The following EMC8 variants were observed in gnomAD, a reference collection of about 807,000 sequenced individuals.
The protein encoded by EMC8 is ER membrane protein complex subunit 8, also known as COX4 neighbor.
EMC8 carries 11 observed loss-of-function variants against 24.3 expected under a neutral mutation model. The ratio of observed to expected loss-of-function variants is 0.45; its 90% confidence interval spans 0.28 to 0.75. The LOEUF is 0.75. Among genes scored for constraint, EMC8 ranks in the 30% least tolerant of loss-of-function variants. The pLI, the probability that EMC8 is intolerant of heterozygous loss-of-function variation, is 0.12. For missense variants in EMC8, 277 were observed against 282.7 expected, an observed-to-expected ratio of 0.98 and a Z score of 0.14; for synonymous variants, 145 against 117.7, an observed-to-expected ratio of 1.23 and a Z score of -1.50.
chr16:85,799,520 T>C lies in EMC8; in HGVS notation c.-225A>G, dbSNP rs1905490259. 2 of 380,382 alleles carry C rather than the reference T, an allele frequency of 5.3e-6. No homozygotes were observed. Among genetic ancestry groups the C allele is most frequent in the East Asian group, 7.9e-5 (2 of 25,304 alleles). The allele number at this position is 380,382 out of a possible 1,614,324, so 23.6% of individuals were successfully genotyped here. Reference sequence around the variant, plus strand: ...CCGCAGCCCCAGACTCCAGTCGCGCTTCTCGCCCGGCGCCGCCGGAAAGCA... The same window carrying C: ...CCGCAGCCCCAGACTCCAGTCGCGCCTCTCGCCCGGCGCCGCCGGAAAGCA... On this transcript the variant is annotated 5_prime_UTR_variant, in exon 1 of 5. Coordinates refer to ENST00000253457, the MANE Select transcript of EMC8 (RefSeq NM_006067.5). The surrounding 1 kb of genome is among the most constrained non-coding windows in gnomAD (Gnocchi z 4.2).
Position 85,779,978 on chromosome 16 carries a change from C to T in EMC8, c.474-111G>A, listed in dbSNP as rs1347695266. ...CACAGTGGTATGAACAGAGATGGTG[C>T]AGAGTACTGAGAAACATGTGCATTT... On this transcript the variant is annotated intron_variant, in intron 4 of 4. Coordinates refer to ENST00000253457, the MANE Select transcript of EMC8 (RefSeq NM_006067.5). 4.0e-5 allele frequency: 34 copies of T among 842,366 alleles called. 1 individual carries two copies. Among genetic ancestry groups the T allele is most frequent in the South Asian group, 3.8e-4 (25 of 65,932 alleles). 52.2% of individuals were successfully genotyped at this position (842,366 alleles called of 1,614,324 possible).
chr16:85,789,343 C>A (rs1048583972), intron 1 of EMC8, among the ~76,000 whole-genome samples: 8 of 152,200 alleles, frequency 5.3e-5, no homozygotes, highest in African/African-American at 1.7e-4. Flanking sequence ...CCTTCACCTA[C>A]CTTCTCTTAT....
At chr16:85,797,295 C>G (rs1237008049) in intron 1 of EMC8, among the ~76,000 whole-genome samples, 3 of 152,156 alleles carry the variant, frequency 2.0e-5, no homozygotes, top group African/African-American at 7.2e-5. Flanking sequence ...GAAATCCCAG[C>G]TACCTGGGAG....
chr16:85,792,756 G>A (rs542595520), intron 1 of EMC8: 2 of 152,294 alleles, frequency 1.3e-5, no homozygotes, highest in African/African-American at 4.8e-5. Flanking sequence ...TGGCAGCTAG[G>A]AGTCAAGGCA....
chr16:85,789,032 C>A lies in EMC8; in HGVS notation c.250G>T (p.Asp84Tyr). The A allele has an allele frequency of 6.2e-7, 1 of 1,613,604 alleles. No homozygotes were observed. Among genetic ancestry groups the A allele is most frequent in the African/African-American group, 1.3e-5 (1 of 75,040 alleles). Residue 84 changes from aspartate to tyrosine, a missense_variant, in exon 2 of 5, where the codon GAT becomes TAT. Asp to Tyr is a radical substitution (Grantham distance 160). Coordinates refer to ENST00000253457, the MANE Select transcript of EMC8 (RefSeq NM_006067.5). ...ALTLIDSWCKDHSYVIAGYYQ... is the reference protein window; with the variant it reads ...ALTLIDSWCKYHSYVIAGYYQ... ...TAACCAGCAATCACGTAGCTATGAT[C>A]TTTGCACCATGAATCAATCTGAAAG...
chr16:85,799,462 G>A lies in EMC8; in HGVS notation c.-167C>T. Reference sequence around the variant, plus strand: ...CAGGCCCGGCCCCGTTTGGGCCTCGGCTCCTGGAAAAGCGACTCGCGCCTC... The same window carrying A: ...CAGGCCCGGCCCCGTTTGGGCCTCGACTCCTGGAAAAGCGACTCGCGCCTC... On this transcript the variant is annotated 5_prime_UTR_variant, in exon 1 of 5. Transcript: ENST00000253457. This position sits in a 1 kb window ranked among gnomAD's most constrained non-coding sequence, Gnocchi z 4.2. 2.5e-6 allele frequency: 1 copy of A among 407,568 alleles called. No individual in the cohort carries two copies. The highest frequency in any genetic ancestry group is 4.3e-6 in the Non-Finnish European group (1 of 234,250). 25.2% of individuals were successfully genotyped at this position (407,568 alleles called of 1,614,324 possible).
Position 85,799,228 on chromosome 16 carries a change from T to C in EMC8, c.68A>G (p.His23Arg), listed in dbSNP as rs752915473. 6.2e-7 allele frequency: 1 copy of C among 1,613,274 alleles called. No homozygotes were observed. The highest frequency in any genetic ancestry group is 1.7e-5 in the Admixed American group (1 of 60,026). ...KMVLHGAKYP[H>R]CAVNGLLVAE... ...CACCAGGAGCCCGTTGACGGCGCAG[T>C]GCGGGTACTTGGCGCCGTGCAGCAC... Residue 23 changes from histidine to arginine, a missense_variant, in exon 1 of 5, where the codon CAC (histidine) becomes CGC (arginine). Transcript: ENST00000253457. This position sits in a 1 kb window ranked among gnomAD's most constrained non-coding sequence, Gnocchi z 4.2.
At chr16:85,791,833 A>C (rs1905025166) in intron 1 of EMC8, among the ~76,000 whole-genome samples, 1 of 152,156 alleles carries the variant, frequency 6.6e-6, no homozygotes, top group Non-Finnish European at 1.5e-5. Context: ...CTTTGTGATT[A>C]CATGAGGCAC....
chr16:85,791,117 C>T (rs972997806), intron 1 of EMC8, among the ~76,000 whole-genome samples: 1 of 116,700 alleles, frequency 8.6e-6, no homozygotes. Flanking sequence ...CACAAGCCAC[C>T]ATGCCCAATT....
At chr16:85,783,237 G>T (rs1039174610) in intron 2 of EMC8, among the ~76,000 whole-genome samples, 2 of 152,168 alleles carry the variant, frequency 1.3e-5, no homozygotes, top group African/African-American at 4.8e-5. Flanking sequence ...CGGGAGGCGG[G>T]GGTGGCAGTG....
chr16:85,796,115 G>C (rs1303934040), intron 1 of EMC8, among the ~76,000 whole-genome samples: 1 of 152,046 alleles, frequency 6.6e-6, no homozygotes, highest in South Asian at 2.1e-4. Context: ...ATCCATCTCT[G>C]GTCTCTGTAC....
intron 2 of EMC8, among the ~76,000 whole-genome samples, chr16:85,787,776 T>G (rs553479560): frequency 6.6e-6 from 1 of 152,336 alleles, no homozygotes; most frequent in South Asian, 2.1e-4. Flanking sequence ...CAGCATCTCC[T>G]AGGACATCTG....
chr16:85,784,533 G>A (rs140281522), intron 2 of EMC8: 1 of 152,206 alleles, frequency 6.6e-6, no homozygotes, highest in Non-Finnish European at 1.5e-5. Context: ...ATGTGACTGT[G>A]TTAAGAAAAA....
At chr16:85,781,059 C>A in intron 3 of EMC8, 152 bp downstream of exon 3, 1 of 622,178 alleles carries the variant, frequency 1.6e-6, no homozygotes, top group Non-Finnish European at 2.9e-6. Flanking sequence ...TTCAACTGGT[C>A]TGCAGCTGAG....
intron 1 of EMC8, among the ~76,000 whole-genome samples, chr16:85,791,737 G>A (rs926462996): frequency 1.8e-4 from 28 of 152,038 alleles, no homozygotes; most frequent in South Asian, 6.2e-4. Context: ...GCATTCCTTG[G>A]CTCATGGCCA....
intron 4 of EMC8, 61 bp downstream of exon 4, chr16:85,780,318 G>T: frequency 2.5e-6 from 3 of 1,204,596 alleles, no homozygotes; most frequent in Non-Finnish European, 3.7e-6. Flanking sequence ...GGTGAGAGTG[G>T]CTCTCACGTG....
intron 2 of EMC8, 102 bp from the exon 3 acceptor site, chr16:85,781,382 G>T: frequency 1.2e-6 from 1 of 807,858 alleles, no homozygotes. Context: ...ATGACAGAAA[G>T]ACTGGCAGAG....
Position 85,779,735 on chromosome 16 carries a change from G to C in EMC8, c.606C>G (p.Ile202Met), listed in dbSNP as rs751998297. 3 of 1,614,200 alleles carry C rather than the reference G, an allele frequency of 1.9e-6. No homozygotes were observed. The highest frequency in any genetic ancestry group is 2.5e-6 in the Non-Finnish European group (3 of 1,180,040). ...DIRNDWTNPE[I>M]NKAVLHLC ...AGCACAAGTGTAGGACAGCTTTATT[G>C]ATCTCTGGGTTTGTCCAGTCATTCC... is the stretch of plus-strand genomic sequence containing the variant. Residue 202 changes from isoleucine (I) to methionine (M), a missense_variant, in exon 5 of 5, where the codon ATC becomes ATG. Physicochemically the swap from Ile to Met is conservative, Grantham distance 10. Transcript: ENST00000253457.
At chr16:85,785,437 G>T (rs1440014541) in intron 2 of EMC8, among the ~76,000 whole-genome samples, 2 of 152,114 alleles carry the variant, frequency 1.3e-5, no homozygotes, top group Non-Finnish European at 2.9e-5. Flanking sequence ...AGGTGTGGTG[G>T]CAGGTGCCTG....
Sources: gnomAD v4.1 joint callset for allele counts (sites outside exome capture counted in the v4.1 genomes callset) on GRCh38, gnomAD v4.1.1 for gene constraint, Gnocchi (gnomAD v3.1) non-coding constraint, MANE v1.5 for transcripts, NCBI Gene and HGNC (gene_info 2026-07-23, HGNC 2026-07-21) for gene names.